Variants in PPP2R2B observed in about 807,000 individuals in gnomAD.
PPP2R2B encodes the protein serine/threonine-protein phosphatase 2A 55 kDa regulatory subunit B beta isoform.
A neutral mutation model predicts 46.0 loss-of-function variants in PPP2R2B; 5 were observed. The observed-to-expected ratio is 0.11, with a 90% CI of 0.06 to 0.23. The LOEUF (loss-of-function observed/expected upper bound fraction) is 0.23, where lower values mean the gene tolerates loss of function less well. Ranked by LOEUF, PPP2R2B falls within the 10% of genes least tolerant of loss-of-function variation. PPP2R2B has a pLI of 1.00. For missense variants in PPP2R2B, 367 were observed against 575.0 expected, an observed-to-expected ratio of 0.64 and a Z score of 3.70; for synonymous variants, 215 against 206.7, an observed-to-expected ratio of 1.04 and a Z score of -0.34.
chr5:146,621,849 T>C (rs532560945), intron 7 of PPP2R2B, among the ~76,000 whole-genome samples: 1 of 152,326 alleles, frequency 6.6e-6, no homozygotes, highest in South Asian at 2.1e-4. Flanking sequence ...CTTAATGACT[T>C]GGTCATGGGG....
intron 2 of PPP2R2B, among the ~76,000 whole-genome samples, chr5:146,781,307 A>T (rs1382728676): frequency 2.0e-5 from 3 of 151,040 alleles, no homozygotes; most frequent in African/African-American, 7.3e-5. Context: ...CTTAGCCACT[A>T]CATTATCCTG....
chr5:146,756,094 A>G (rs764687018), intron 2 of PPP2R2B, among the ~76,000 whole-genome samples: 9 of 152,232 alleles, frequency 5.9e-5, no homozygotes, highest in Non-Finnish European at 1.0e-4. Context: ...ATGGGAAGGA[A>G]CAAACCAGAG....
chr5:147,046,187 G>A (rs1561597355), intron 1 of PPP2R2B, among the ~76,000 whole-genome samples: 1 of 152,020 alleles, frequency 6.6e-6, no homozygotes, highest in African/African-American at 2.4e-5. Context: ...TGTATTTTTT[G>A]AATAAATGAA....
At chr5:146,840,889 T>C (rs920038463) in intron 2 of PPP2R2B, among the ~76,000 whole-genome samples, 1 of 152,164 alleles carries the variant, frequency 6.6e-6, no homozygotes, top group Admixed American at 6.5e-5. Context: ...CTTAATCTGA[T>C]AGAGCTTACT....
intron 2 of PPP2R2B, among the ~76,000 whole-genome samples, chr5:146,767,045 C>CAAAA (rs10605079): frequency 2.2e-5 from 1 of 46,298 alleles, no homozygotes; most frequent in African/African-American, 1.2e-4. Context: ...AGAAGTGTCT[C>CAAAA]AAAAAAAAAA....
chr5:147,077,310 A>ACACACC (rs1292967452), intron 2 of PPP2R2B, among the ~76,000 whole-genome samples: 2 of 131,010 alleles, frequency 1.5e-5, no homozygotes, highest in African/African-American at 6.5e-5. Flanking sequence ...ACACACACAC[A>ACACACC]CCCACACCCA....
rs536894043 is a variant in PPP2R2B at position 146,627,949 on chromosome 5, A to AT, written c.790+10301dup. Among the ~76,000 whole-genome samples, 343 of 145,540 alleles carry AT rather than the reference A, an allele frequency of 2.4e-3. 2 individuals are homozygous for AT. Among genetic ancestry groups the AT allele is most frequent in the African/African-American group, 3.9e-3 (156 of 39,948 alleles). On this transcript the variant is annotated intron_variant, in intron 7 of 9. Coordinates refer to ENST00000394411, the MANE Select transcript of PPP2R2B (RefSeq NM_181675.4). ...TACACTGTTCACAGAAACATCTCAG[A>AT]TTTTTTTTTTTTTGAGATGGAGTCT...
At chr5:146,607,522 C>T (rs1470900170) in intron 7 of PPP2R2B, among the ~76,000 whole-genome samples, 5 of 152,152 alleles carry the variant, frequency 3.3e-5, no homozygotes, top group Admixed American at 6.5e-5. Context: ...CAATGCATAG[C>T]GTGATGAAGA....
At position 146,824,969 on chromosome 5, in the gene PPP2R2B, C is replaced by T. The variant is rs191687134; in HGVS notation, c.70+53033G>A. Among the ~76,000 whole-genome samples, 5 of 152,238 alleles carry T rather than the reference C, an allele frequency of 3.3e-5. No individual in the cohort carries two copies. In the East Asian group the frequency reaches 5.8e-4, roughly 18 times the overall value. ...AACTCCTGGCCTCAAGTGATCCACC[C>T]GCCTTAGCCTCCCCAAAGTTCTGGG... On this transcript the variant is annotated intron_variant, in intron 2 of 9. Transcript: ENST00000394411.
chr5:147,032,046 G>A (rs1487774129), intron 1 of PPP2R2B, among the ~76,000 whole-genome samples: 1 of 152,086 alleles, frequency 6.6e-6, no homozygotes, highest in Admixed American at 6.6e-5. Flanking sequence ...TAAATAGCTG[G>A]GACCTAATTA....
intron 2 of PPP2R2B, among the ~76,000 whole-genome samples, chr5:146,820,245 T>A (rs5006710): frequency 6.6e-6 from 1 of 152,172 alleles, no homozygotes; most frequent in Non-Finnish European, 1.5e-5. Flanking sequence ...TGAGGTGATA[T>A]GTTAATTACC....
intron 2 of PPP2R2B, among the ~76,000 whole-genome samples, chr5:146,764,930 T>C (rs1293115801): frequency 2.6e-5 from 4 of 152,118 alleles, no homozygotes; most frequent in Non-Finnish European, 5.9e-5. Context: ...ACTTGAATCA[T>C]ATGTCATTGC....
intron 1 of PPP2R2B, among the ~76,000 whole-genome samples, chr5:146,965,283 T>C (rs1189663487): frequency 6.6e-6 from 1 of 152,218 alleles, no homozygotes; most frequent in African/African-American, 2.4e-5. Context: ...ATAGAATTCT[T>C]ATACATACAC....
intron 2 of PPP2R2B, among the ~76,000 whole-genome samples, chr5:146,766,267 T>C (rs1282904091): frequency 2.0e-5 from 3 of 152,190 alleles, no homozygotes; most frequent in Non-Finnish European, 2.9e-5. Flanking sequence ...CCCACAAAAA[T>C]TTATTCCAGT....
rs191705871 is a variant in PPP2R2B at position 146,775,164 on chromosome 5, A to G, written c.71-74022T>C. Among the ~76,000 whole-genome samples the G allele has an allele frequency of 7.0e-4, 106 of 152,346 alleles. 2 individuals carry two copies. The highest frequency in any genetic ancestry group is 6.7e-3 in the Admixed American group (103 of 15,290). ...TTTATGAGACCAGCATTACTTTGAT[A>G]CTAAAGTCAGACAGACAACACAAGC... is the stretch of plus-strand genomic sequence containing the variant. On this transcript the variant is annotated intron_variant, in intron 2 of 9. Coordinates refer to ENST00000394411, the MANE Select transcript of PPP2R2B (RefSeq NM_181675.4).
chr5:147,038,207 T>C (rs1756130642), intron 1 of PPP2R2B, among the ~76,000 whole-genome samples: 1 of 152,206 alleles, frequency 6.6e-6, no homozygotes, highest in Admixed American at 6.5e-5. Context: ...GGATGGCTCA[T>C]TGAACAAGCA....
At chr5:146,912,740 C>G (rs935105917) in intron 1 of PPP2R2B, among the ~76,000 whole-genome samples, 8 of 151,996 alleles carry the variant, frequency 5.3e-5, no homozygotes, top group Non-Finnish European at 7.4e-5. Flanking sequence ...AACTCCTGAC[C>G]TTGTGATCCG....
chr5:146,856,762 T>G (rs1760696161), intron 2 of PPP2R2B, among the ~76,000 whole-genome samples: 1 of 152,258 alleles, frequency 6.6e-6, no homozygotes. Flanking sequence ...CTGTAAAAGC[T>G]TCCTTGCCTC....
chr5:147,040,523 T>C (rs1374759299), intron 1 of PPP2R2B, among the ~76,000 whole-genome samples: 1 of 152,126 alleles, frequency 6.6e-6, no homozygotes, highest in Non-Finnish European at 1.5e-5. Flanking sequence ...TGCTTGAGAT[T>C]GGACTGGAGA....
Sources: allele counts gnomAD v4.1 joint callset (sites outside exome capture counted in the v4.1 genomes callset), GRCh38; gene constraint gnomAD v4.1.1; transcripts MANE v1.5; gene names NCBI Gene and HGNC (gene_info 2026-07-23, HGNC 2026-07-21).